PIEZO1: variants seen among roughly 807,000 people sequenced by gnomAD.
PIEZO1 encodes piezo-type mechanosensitive ion channel component 1.
A neutral mutation model predicts 297.2 loss-of-function variants in PIEZO1; 296 were observed. That is an observed-to-expected ratio of 1.00 (90% confidence interval 0.91 to 1.10). The LOEUF is 1.10. PIEZO1 is among the 50% of genes least tolerant of loss of function. PIEZO1 has a pLI of 0.00. For missense variants in PIEZO1, 5,018 were observed against 3,455.5 expected (o/e 1.45, Z -11.34); for synonymous variants, 2,427 against 1,507.5 (o/e 1.61, Z -14.13).
At position 88,735,262 on chromosome 16, in the gene PIEZO1, G is replaced by A. The variant is rs375059249; in HGVS notation, c.1558-16C>T. On this transcript the variant is annotated splice_polypyrimidine_tract_variant and intron_variant, in intron 12 of 50. Coordinates refer to ENST00000301015, the MANE Select transcript of PIEZO1 (RefSeq NM_001142864.4). ...TGTAGAGCAACTGTGACAAGCGCAG[G>A]GTGTCACAGTCAGCCGGGGGGCCCA... 2 of 1,519,962 alleles carry A rather than the reference G, an allele frequency of 1.3e-6. No homozygotes were observed. Among genetic ancestry groups the A allele is most frequent in the South Asian group, 1.2e-5 (1 of 83,432 alleles). 94.2% of individuals were successfully genotyped at this position (1,519,962 alleles called of 1,614,324 possible). A position where few individuals can be genotyped will look rare whatever the true frequency, so the allele number is the denominator to read the frequency against.
intron 1 of PIEZO1, among the ~76,000 whole-genome samples, chr16:88,782,719 G>A (rs939872712): frequency 9.2e-5 from 14 of 152,222 alleles, no homozygotes; most frequent in Non-Finnish European, 2.1e-4. Flanking sequence ...AGAGGGAGGG[G>A]GCACTCCAAA....
intron 1 of PIEZO1, among the ~76,000 whole-genome samples, chr16:88,751,337 A>C (rs767143488): frequency 2.0e-5 from 3 of 152,146 alleles, no homozygotes; most frequent in African/African-American, 4.8e-5. Flanking sequence ...TGACGCTTGC[A>C]CCTGAAAGGG....
At position 88,719,567 on chromosome 16, in the gene PIEZO1, C is replaced by T; in HGVS notation, c.6471+7G>A. The T allele has an allele frequency of 6.5e-7, 1 of 1,550,348 alleles. No individual in the cohort carries two copies. The highest frequency in any genetic ancestry group is 8.7e-7 in the Non-Finnish European group (1 of 1,146,806). ...CTTGTCCCGGCCCCCGCCCTGGGCC[C>T]AGGCACCTTCTCTGTCTCTCGGCTG... On this transcript the variant is annotated splice_region_variant and intron_variant, in intron 44 of 50. Transcript: ENST00000301015.
chr16:88,738,157 C>T lies in PIEZO1; in HGVS notation c.849-52G>A, dbSNP rs1175629383. 19 of 1,534,708 alleles carry T rather than the reference C, an allele frequency of 1.2e-5. No homozygotes were observed. In the East Asian group the frequency reaches 3.4e-4, roughly 28 times the overall value. On this transcript the variant is annotated intron_variant, in intron 7 of 50. Coordinates refer to ENST00000301015, the MANE Select transcript of PIEZO1 (RefSeq NM_001142864.4). ...TACCACCCCAGAGGCAGTGGGGCCA[C>T]AGGGGCTAGACGAGCCAGGTGGGCG...
rs1230418584 is a variant in PIEZO1 at position 88,736,403 on chromosome 16, C to T, written c.1302G>A (p.Trp434Ter). Residue 434 changes from tryptophan to a stop codon, truncating the protein, a stop_gained, in exon 12 of 51, where the codon TGG becomes TGA. Coordinates refer to ENST00000301015, the MANE Select transcript of PIEZO1 (RefSeq NM_001142864.4). LOFTEE classifies it high-confidence loss of function. ...YVCALIAMMV[W>*]SITYHSWLTF... is the part of the protein sequence containing the mutation. Reference sequence around the variant, plus strand: ...TCAGCCAGCTGTGGTAGGTGATGCTCCATACCTGCGCGGCAGAGAGGGCTG... The same window carrying T: ...TCAGCCAGCTGTGGTAGGTGATGCTTCATACCTGCGCGGCAGAGAGGGCTG... 1.3e-6 allele frequency: 2 copies of T among 1,547,172 alleles called. No homozygotes were observed. Among genetic ancestry groups the T allele is most frequent in the Non-Finnish European group, 8.7e-7 (1 of 1,145,344 alleles).
At chr16:88,754,352 C>G (rs538090429) in intron 1 of PIEZO1, among the ~76,000 whole-genome samples, 1 of 152,192 alleles carries the variant, frequency 6.6e-6, no homozygotes, top group Non-Finnish European at 1.5e-5. Flanking sequence ...ACCACTCAAC[C>G]GGAACATTCC....
At position 88,733,755 on chromosome 16, in the gene PIEZO1, T is replaced by C. The variant is rs1567671866; in HGVS notation, c.2330-10A>G. 3 of 1,537,362 alleles carry C rather than the reference T, an allele frequency of 2.0e-6. No individual in the cohort carries two copies. Among genetic ancestry groups the C allele is most frequent in the Non-Finnish European group, 2.6e-6 (3 of 1,139,834 alleles). On this transcript the variant is annotated splice_polypyrimidine_tract_variant and intron_variant, in intron 17 of 50. Transcript: ENST00000301015. Reference sequence around the variant, plus strand: ...CCCCACTTGGCTGCCCCTGTGATGGTGTGAGGGTCAGTGCGGGGCACAAAC... The same window carrying C: ...CCCCACTTGGCTGCCCCTGTGATGGCGTGAGGGTCAGTGCGGGGCACAAAC...
chr16:88,776,882 C>G (rs978532226), intron 1 of PIEZO1, among the ~76,000 whole-genome samples: 1 of 152,202 alleles, frequency 6.6e-6, no homozygotes, highest in East Asian at 1.9e-4. Context: ...TGTGCTCATT[C>G]CCCGCCCGGC....
At chr16:88,731,414 C>T (rs566306754) in intron 22 of PIEZO1, 1 of 427,820 alleles carries the variant, frequency 2.3e-6, no homozygotes, top group African/African-American at 2.0e-5. Flanking sequence ...GGAGAGGACG[C>T]AGTGCTCCTT....
At chr16:88,724,408 G>A (rs1408477315) in intron 30 of PIEZO1, among the ~76,000 whole-genome samples, 2 of 152,100 alleles carry the variant, frequency 1.3e-5, no homozygotes, top group Non-Finnish European at 1.5e-5. Flanking sequence ...GCGGGCACCT[G>A]TAATCCCAGC....
In PIEZO1 at chr16:88,737,539, T is replaced by C; in HGVS notation, c.1195+20A>G. 6.7e-7 allele frequency: 1 copy of C among 1,497,562 alleles called. No homozygotes were observed. Among genetic ancestry groups the C allele is most frequent in the Non-Finnish European group, 9.0e-7 (1 of 1,114,160 alleles). The allele number at this position is 1,497,562 out of a possible 1,614,324, so 92.8% of individuals were successfully genotyped here. A position where few individuals can be genotyped will look rare whatever the true frequency, so the allele number is the denominator to read the frequency against. On this transcript the variant is annotated intron_variant, in intron 10 of 50. Transcript: ENST00000301015. ...CCCGCCCCCCGCACCCAGCCATACCTTGCAGTGTGCGGTACTCACCAGGCC... is the reference window on the plus strand; with the variant it reads ...CCCGCCCCCCGCACCCAGCCATACCCTGCAGTGTGCGGTACTCACCAGGCC...
rs8057198 is a variant in PIEZO1, at chr16:88,727,405, T to C, written c.3301+152A>G. 0.66 allele frequency among the ~76,000 whole-genome samples: 98,979 copies of C among 150,964 alleles called. 33,002 individuals are homozygous for C. The highest frequency in any genetic ancestry group is 0.72 in the Non-Finnish European group (49,214 of 67,954). On this transcript the variant is annotated intron_variant, in intron 23 of 50. Coordinates refer to ENST00000301015, the MANE Select transcript of PIEZO1 (RefSeq NM_001142864.4). Reference sequence around the variant, plus strand: ...CCGTGCACACAGGCTGAGGTCTGCGTGCGTGCGTGCGAGGTCAGGGCCTGC... The same window carrying C: ...CCGTGCACACAGGCTGAGGTCTGCGCGCGTGCGTGCGAGGTCAGGGCCTGC...
chr16:88,715,494 G>A lies in PIEZO1; in HGVS notation c.*111C>T. The stretch of plus-strand genomic sequence containing the variant: ...AGGCAGGCCGGGAGGATGCATCACA[G>A]CTGGCGGCCTTGGACGGGGCAGTGG... On this transcript the variant is annotated 3_prime_UTR_variant, in exon 51 of 51. Transcript: ENST00000301015. 3.4e-6 allele frequency: 4 copies of A among 1,163,052 alleles called. No individual in the cohort carries two copies. Among genetic ancestry groups the A allele is most frequent in the Non-Finnish European group, 4.8e-6 (4 of 827,098 alleles). The allele number at this position is 1,163,052 out of a possible 1,614,324, so 72.0% of individuals were successfully genotyped here. A position where few individuals can be genotyped will look rare whatever the true frequency, so the allele number is the denominator to read the frequency against.
chr16:88,760,362 C>G (rs1225738839), intron 1 of PIEZO1, among the ~76,000 whole-genome samples: 1 of 152,168 alleles, frequency 6.6e-6, no homozygotes, highest in African/African-American at 2.4e-5. Flanking sequence ...AAGAAAAAGC[C>G]CAGTCTATAC....
Position 88,773,258 on chromosome 16 carries a change from G to A in PIEZO1, c.64+11643C>T, listed in dbSNP as rs182337086. Among the ~76,000 whole-genome samples the A allele has an allele frequency of 4.0e-4, 61 of 152,380 alleles. No individual in the cohort carries two copies. The East Asian group carries it at 9.6e-3, about 24-fold the overall frequency. On this transcript the variant is annotated intron_variant, in intron 1 of 50. Transcript: ENST00000301015. ...GCTCAGGGGATCTGAGTAGAGGGGAGGCCTGAGTCAGGACAGCCCTCCAAG... is the reference window on the plus strand; with the variant it reads ...GCTCAGGGGATCTGAGTAGAGGGGAAGCCTGAGTCAGGACAGCCCTCCAAG...
Position 88,744,593 on chromosome 16 carries a change from C to T in PIEZO1, c.161-2171G>A, listed in dbSNP as rs1480673399. On this transcript the variant is annotated intron_variant, in intron 2 of 50. Coordinates refer to ENST00000301015, the MANE Select transcript of PIEZO1 (RefSeq NM_001142864.4). ...ACCCGCCTTGCCCTGCACGACAGTC[C>T]AGGATGTCCGTCTCTGGCTACATCT... 2.6e-5 allele frequency among the ~76,000 whole-genome samples: 4 copies of T among 151,222 alleles called. No individual in the cohort carries two copies. The South Asian group carries it at 6.4e-4, about 24-fold the overall frequency.
intron 1 of PIEZO1, among the ~76,000 whole-genome samples, chr16:88,777,831 G>A (rs1249247593): frequency 6.6e-6 from 1 of 152,110 alleles, no homozygotes; most frequent in Non-Finnish European, 1.5e-5. Context: ...CCCCTCCAGG[G>A]CAGGCAGCCC....
At position 88,731,920 on chromosome 16, in the gene PIEZO1, G is replaced by T; in HGVS notation, c.2992-10C>A. On this transcript the variant is annotated splice_polypyrimidine_tract_variant and intron_variant, in intron 21 of 50. Coordinates refer to ENST00000301015, the MANE Select transcript of PIEZO1 (RefSeq NM_001142864.4). Reference sequence around the variant, plus strand: ...CCATCAGGAAGCAGATCTGGGGAGGGGAGAGGGCGGGGTGTGGGGATGCAC... The same window carrying T: ...CCATCAGGAAGCAGATCTGGGGAGGTGAGAGGGCGGGGTGTGGGGATGCAC... 6.6e-7 allele frequency: 1 copy of T among 1,503,968 alleles called. No homozygotes were observed. Among genetic ancestry groups the T allele is most frequent in the Non-Finnish European group, 8.9e-7 (1 of 1,117,430 alleles). 93.2% of individuals were successfully genotyped at this position (1,503,968 alleles called of 1,614,324 possible). A position where few individuals can be genotyped will look rare whatever the true frequency, so the allele number is the denominator to read the frequency against.
rs1912257473 is a variant in PIEZO1, at chr16:88,719,261, GAGAA to G, written c.6471+309_6471+312del. The G allele has an allele frequency of 1.2e-5, 4 of 333,260 alleles. No homozygotes were observed. The South Asian group carries it at 1.5e-4, about 12-fold the overall frequency. The allele number at this position is 333,260 out of a possible 1,614,324, so 20.6% of individuals were successfully genotyped here. A position where few individuals can be genotyped will look rare whatever the true frequency, so the allele number is the denominator to read the frequency against. On this transcript the variant is annotated intron_variant, in intron 44 of 50. Transcript: ENST00000301015. ...GTGGTCTGACGCACGAATTCTCTCT[GAGAA>G]AGGCCATTAAACAAGAATGCAGCAA...
Sources: gnomAD v4.1 joint callset for allele counts (sites outside exome capture counted in the v4.1 genomes callset) on GRCh38, gnomAD v4.1.1 for gene constraint, MANE v1.5 for transcripts, NCBI Gene and HGNC (gene_info 2026-07-23, HGNC 2026-07-21) for gene names.